The following CTNNB1 variants were observed in gnomAD, a reference collection of about 807,000 sequenced individuals.
CTNNB1 encodes catenin beta-1.
A neutral mutation model predicts 82.5 loss-of-function variants in CTNNB1; 6 were observed. That is an observed-to-expected ratio of 0.07 (90% CI 0.04 to 0.14). The LOEUF (loss-of-function observed/expected upper bound fraction) is 0.14, where lower values mean the gene tolerates loss of function less well. Among genes scored for constraint, CTNNB1 ranks in the 10% least tolerant of loss-of-function variants. The probability of loss-of-function intolerance (pLI) is 1.00; values close to 1 mark genes in which losing one functional copy is unlikely to be tolerated. For synonymous variants in CTNNB1, 312 were observed against 329.7 expected (o/e 0.95, Z 0.58); for missense variants, 529 against 980.4 (o/e 0.54, Z 6.15).
At chr3:41,232,288 G>A (rs1485503290) in intron 7 of CTNNB1, among the ~76,000 whole-genome samples, 1 of 152,106 alleles carries the variant, frequency 6.6e-6, no homozygotes, top group Non-Finnish European at 1.5e-5. Flanking sequence ...GGGGAAAGAA[G>A]GTAGTCATTT....
At chr3:41,199,876 C>G (rs1038925191) in intron 1 of CTNNB1, 1 of 148,446 alleles carries the variant, frequency 6.7e-6, no homozygotes, top group Non-Finnish European at 1.5e-5. Flanking sequence ...GTTCCGGTCG[C>G]GCTGCCTCTC....
intron 7 of CTNNB1, among the ~76,000 whole-genome samples, chr3:41,232,956 G>A (rs560677117): frequency 6.6e-6 from 1 of 152,142 alleles, no homozygotes; most frequent in Non-Finnish European, 1.5e-5. Context: ...CTGAGGGTAG[G>A]AACTTCTGAA....
chr3:41,208,701 C>G (rs1021490922), intron 1 of CTNNB1, among the ~76,000 whole-genome samples: 1 of 152,152 alleles, frequency 6.6e-6, no homozygotes, highest in African/African-American at 2.4e-5. Flanking sequence ...TGACCATGTC[C>G]TTTATCTTCT....
Position 41,239,921 on chromosome 3 carries a change from A to AATT in CTNNB1, c.*579_*580insATT, listed in dbSNP as rs1553633053. ...ATCAAACCCTAGCCTTGCTTGTTAA[A>AATT]TTTTTTTTTTTTTTTTTTTAAGAAT... is the stretch of plus-strand genomic sequence containing the variant. On this transcript the variant is annotated 3_prime_UTR_variant, in exon 15 of 15. Coordinates refer to ENST00000349496, the MANE Select transcript of CTNNB1 (RefSeq NM_001904.4). 2.5e-5 allele frequency: 4 copies of AATT among 158,550 alleles called. No individual in the cohort carries two copies. The highest frequency in any genetic ancestry group is 3.7e-5 in the Non-Finnish European group (3 of 80,872). The allele number at this position is 158,550 out of a possible 1,614,324, so 9.8% of individuals were successfully genotyped here. A position where few individuals can be genotyped will look rare whatever the true frequency, so the allele number is the denominator to read the frequency against.
chr3:41,207,550 G>A (rs2077677010), intron 1 of CTNNB1, among the ~76,000 whole-genome samples: 1 of 152,138 alleles, frequency 6.6e-6, no homozygotes, highest in South Asian at 2.1e-4. Flanking sequence ...TACAATGAAG[G>A]AAGTAGTACT....
chr3:41,221,711 A>C (rs2078053086), intron 1 of CTNNB1: 1 of 152,214 alleles, frequency 6.6e-6, no homozygotes, highest in Admixed American at 6.5e-5. Flanking sequence ...TATGTAGTCC[A>C]TCTTGACTGA....
At chr3:41,236,041 G>A (rs752739288) in intron 11 of CTNNB1, 198 bp downstream of exon 11, 5 of 750,236 alleles carry the variant, frequency 6.7e-6, no homozygotes, top group Non-Finnish European at 8.8e-6. Context: ...TCACTTTTAT[G>A]GGTGCCTAGA....
chr3:41,206,757 T>G, intron 1 of CTNNB1, among the ~76,000 whole-genome samples: 1 of 151,998 alleles, frequency 6.6e-6, no homozygotes, highest in East Asian at 1.9e-4. Flanking sequence ...AAGGGATTCT[T>G]GGAAATATTT....
At chr3:41,235,558 C>T in intron 10 of CTNNB1, 166 bp from the exon 11 acceptor site, 1 of 860,676 alleles carries the variant, frequency 1.2e-6, no homozygotes, top group Non-Finnish European at 1.9e-6. Context: ...GCCAGGAGGC[C>T]TCTTTTCAGT....
chr3:41,236,942 A>C (rs1171754575), intron 13 of CTNNB1: 1 of 605,108 alleles, frequency 1.7e-6, no homozygotes, highest in Non-Finnish European at 2.9e-6. Flanking sequence ...ATTATAATTC[A>C]TAAGGGAGAA....
chr3:41,205,729 G>C (rs537440545), intron 1 of CTNNB1, among the ~76,000 whole-genome samples: 53 of 152,318 alleles, frequency 3.5e-4, no homozygotes, highest in African/African-American at 1.2e-3. Context: ...AGTGACTGGA[G>C]TGAAAATGTA....
chr3:41,222,274 C>CT (rs1478014792), intron 1 of CTNNB1: 1 of 152,170 alleles, frequency 6.6e-6, no homozygotes, highest in Non-Finnish European at 1.5e-5. Context: ...GCTTGGCAGT[C>CT]TATTTGATTT....
intron 6 of CTNNB1, 60 bp from the exon 7 acceptor site, chr3:41,227,148 C>T (rs907804576): frequency 3.0e-5 from 42 of 1,415,150 alleles, no homozygotes; most frequent in Non-Finnish European, 3.6e-5. Flanking sequence ...TAATATGGCT[C>T]TTCTCAGACA....
chr3:41,213,315 T>C (rs1478971279), intron 1 of CTNNB1, among the ~76,000 whole-genome samples: 2 of 152,254 alleles, frequency 1.3e-5, no homozygotes, highest in African/African-American at 4.8e-5. Context: ...TGCATCCTTC[T>C]TCAGGTCTCA....
intron 1 of CTNNB1, among the ~76,000 whole-genome samples, chr3:41,212,049 T>G (rs2077805199): frequency 6.6e-6 from 1 of 152,250 alleles, no homozygotes; most frequent in East Asian, 1.9e-4. Flanking sequence ...CTCTGACTCT[T>G]CAGCCTTTTT....
chr3:41,222,500 C>G (rs576011343), intron 1 of CTNNB1, among the ~76,000 whole-genome samples: 2 of 152,144 alleles, frequency 1.3e-5, no homozygotes, highest in South Asian at 4.2e-4. Flanking sequence ...ATTTTAAAAG[C>G]TAAAAAATAT....
At chr3:41,201,873 T>C (rs2077540144) in intron 1 of CTNNB1, among the ~76,000 whole-genome samples, 2 of 152,142 alleles carry the variant, frequency 1.3e-5, no homozygotes, top group Non-Finnish European at 2.9e-5. Flanking sequence ...ACTGTTCCTG[T>C]TAATGACTGG....
intron 1 of CTNNB1, among the ~76,000 whole-genome samples, chr3:41,208,806 C>T (rs1173127404): frequency 6.6e-6 from 1 of 152,150 alleles, no homozygotes; most frequent in Non-Finnish European, 1.5e-5. Context: ...AAGAATATTA[C>T]TGTGGTATCT....
intron 13 of CTNNB1, chr3:41,237,729 A>C: frequency 5.0e-6 from 1 of 200,214 alleles, no homozygotes; most frequent in Non-Finnish European, 9.0e-6. Context: ...AAACTGCTAT[A>C]TCTCTAGCAT....
Sources: gnomAD v4.1 joint callset for allele counts (sites outside exome capture counted in the v4.1 genomes callset) on GRCh38, gnomAD v4.1.1 for gene constraint, MANE v1.5 for transcripts, NCBI Gene and HGNC (gene_info 2026-07-23, HGNC 2026-07-21) for gene names.